Variants in ADARB2 observed in about 807,000 individuals in gnomAD.
ADARB2 encodes the protein adenosine deaminase RNA specific B2 (inactive), also known as inactive double-stranded RNA-specific editase B2.
ADARB2 carries 25 observed loss-of-function variants against 62.2 expected under a neutral mutation model. The observed-to-expected ratio is 0.40, with a 90% CI of 0.29 to 0.56. The LOEUF (loss-of-function observed/expected upper bound fraction) is 0.56, where lower values mean the gene tolerates loss of function less well. ADARB2 is among the 20% of genes least tolerant of loss of function. The probability of loss-of-function intolerance (pLI) is 0.43; values close to 1 mark genes in which losing one functional copy is unlikely to be tolerated. For missense variants in ADARB2, 1,071 were observed against 1,077.4 expected (o/e 0.99, Z 0.08); for synonymous variants, 572 against 500.8 (o/e 1.14, Z -1.90).
chr10:1,402,602 C>G (rs1051041990), intron 1 of ADARB2, among the ~76,000 whole-genome samples: 10 of 152,170 alleles, frequency 6.6e-5, no homozygotes, highest in African/African-American at 2.4e-4. Flanking sequence ...ACACTGTCAT[C>G]GAGTCGGAGG....
intron 1 of ADARB2, among the ~76,000 whole-genome samples, chr10:1,464,414 C>T (rs111356050): frequency 0.062 from 7,108 of 115,478 alleles, 616 homozygotes; most frequent in Middle Eastern, 0.22. Context: ...CCCCCACACA[C>T]GCGCGGGGGC....
At chr10:1,602,870 TATC>T (rs1274916772) in intron 1 of ADARB2, among the ~76,000 whole-genome samples, 2 of 151,130 alleles carry the variant, frequency 1.3e-5, no homozygotes, top group Admixed American at 6.6e-5. Flanking sequence ...CACATACACA[TATC>T]AACACACACA....
At chr10:1,352,393 T>C (rs1832152552) in intron 3 of ADARB2, among the ~76,000 whole-genome samples, 1 of 152,200 alleles carries the variant, frequency 6.6e-6, no homozygotes, top group Non-Finnish European at 1.5e-5. Flanking sequence ...CCTCTTCCAC[T>C]TCCTTGAAGA....
intron 3 of ADARB2, among the ~76,000 whole-genome samples, chr10:1,319,061 C>T (rs368417014): frequency 6.6e-6 from 1 of 152,230 alleles, no homozygotes; most frequent in African/African-American, 2.4e-5. Flanking sequence ...GTGACCTGCT[C>T]AGATGCTGAC....
chr10:1,400,391 T>C (rs112152339), intron 1 of ADARB2, among the ~76,000 whole-genome samples: 36 of 152,328 alleles, frequency 2.4e-4, no homozygotes, highest in African/African-American at 7.7e-4. Flanking sequence ...AGACACATCG[T>C]GGTGAATCGC....
At chr10:1,268,179 T>G (rs951900921) in intron 4 of ADARB2, among the ~76,000 whole-genome samples, 1 of 152,154 alleles carries the variant, frequency 6.6e-6, no homozygotes, top group African/African-American at 2.4e-5. Flanking sequence ...TATCTAGAAC[T>G]GAAAATCTAG....
intron 1 of ADARB2, among the ~76,000 whole-genome samples, chr10:1,424,877 C>T (rs548976648): frequency 6.6e-6 from 1 of 152,234 alleles, no homozygotes; most frequent in Non-Finnish European, 1.5e-5. Flanking sequence ...GAACTGTGGC[C>T]ACTGGGGAGT....
intron 1 of ADARB2, among the ~76,000 whole-genome samples, chr10:1,456,713 A>G (rs1431600520): frequency 3.9e-5 from 6 of 152,082 alleles, no homozygotes; most frequent in African/African-American, 1.4e-4. Flanking sequence ...CCCCTTAAAC[A>G]TATTTCTCTT....
At chr10:1,357,542 C>A (rs746550937) in intron 3 of ADARB2, among the ~76,000 whole-genome samples, 22 of 152,136 alleles carry the variant, frequency 1.4e-4, no homozygotes, top group South Asian at 4.1e-4. Context: ...TAAATAATTA[C>A]AATTTTTAAA....
chr10:1,437,421 T>C (rs1348884236), intron 1 of ADARB2, among the ~76,000 whole-genome samples: 1 of 152,012 alleles, frequency 6.6e-6, no homozygotes, highest in Non-Finnish European at 1.5e-5. Context: ...AGGACACACA[T>C]GCTTATGGTA....
rs1342076690 is a variant in ADARB2, at chr10:1,200,141, G to A, written c.1689C>T (p.Asn563=). The A allele has an allele frequency of 3.9e-6, 6 of 1,550,152 alleles. No individual in the cohort carries two copies. Among genetic ancestry groups the A allele is most frequent in the South Asian group, 2.4e-5 (2 of 84,060 alleles). ...MSCTDKIARW[N]VLGLQGALLS... ...GGAGCGCGCCCTGCAGCCCCAGGAC[G>A]TTCCACCTGTGGGGAGAGCCAGCAG... Residue 563 remains asparagine, a synonymous_variant, in exon 8 of 10, where the codon AAC becomes AAT. Transcript: ENST00000381312.
At chr10:1,335,363 G>A (rs1229958883) in intron 3 of ADARB2, among the ~76,000 whole-genome samples, 1 of 151,346 alleles carries the variant, frequency 6.6e-6, no homozygotes, top group Non-Finnish European at 1.5e-5. Flanking sequence ...GGGAAGGCTG[G>A]AAGGAGGGAT....
intron 1 of ADARB2, among the ~76,000 whole-genome samples, chr10:1,728,305 C>T (rs1420718420): frequency 6.6e-6 from 1 of 152,182 alleles, no homozygotes; most frequent in Admixed American, 6.5e-5. Context: ...CTCTAAAACA[C>T]AGTCACAAAC....
At chr10:1,700,233 A>G (rs368150949) in intron 1 of ADARB2, among the ~76,000 whole-genome samples, 6 of 11,726 alleles carry the variant, frequency 5.1e-4, no homozygotes, top group African/African-American at 1.2e-3. Context: ...CCACTCCACC[A>G]GGAGACCAGG....
At chr10:1,362,917 C>A (rs753824059) in intron 3 of ADARB2, 111 bp downstream of exon 3, 1 of 1,026,658 alleles carries the variant, frequency 9.7e-7, no homozygotes, top group Non-Finnish European at 1.3e-6. Context: ...CCGCTCCACG[C>A]GGCCTCTCCT....
chr10:1,501,966 C>T (rs1420829114), intron 1 of ADARB2, among the ~76,000 whole-genome samples: 3 of 152,212 alleles, frequency 2.0e-5, no homozygotes, highest in Non-Finnish European at 2.9e-5. Context: ...CCACTGCACC[C>T]GGTACCAAAG....
At chr10:1,316,008 A>G (rs1224234009) in intron 3 of ADARB2, among the ~76,000 whole-genome samples, 4 of 152,252 alleles carry the variant, frequency 2.6e-5, no homozygotes, top group Admixed American at 2.0e-4. Context: ...TTATAACTCA[A>G]TCATCCTATC....
chr10:1,478,282 G>A (rs1201965381), intron 1 of ADARB2, among the ~76,000 whole-genome samples: 1 of 152,196 alleles, frequency 6.6e-6, no homozygotes, highest in Non-Finnish European at 1.5e-5. Flanking sequence ...CAGCGTCACG[G>A]ACATCAGAGG....
intron 1 of ADARB2, among the ~76,000 whole-genome samples, chr10:1,658,055 A>G (rs975472583): frequency 2.7e-5 from 4 of 148,780 alleles, no homozygotes; most frequent in Non-Finnish European, 5.9e-5. Flanking sequence ...TTCTGTCTCT[A>G]CTGTCTCTCT....
Sources: allele counts gnomAD v4.1 joint callset (sites outside exome capture counted in the v4.1 genomes callset), GRCh38; gene constraint gnomAD v4.1.1; transcripts MANE v1.5; gene names NCBI Gene and HGNC (gene_info 2026-07-23, HGNC 2026-07-21).